PRKCE: variants seen among roughly 807,000 people sequenced by gnomAD.
PRKCE encodes the protein protein kinase C epsilon, also known as protein kinase C epsilon type.
Under a neutral mutation model 85.4 loss-of-function variants are expected in PRKCE, and 16 were observed. The ratio of observed to expected loss-of-function variants is 0.19; its 90% CI spans 0.13 to 0.28. The LOEUF (loss-of-function observed/expected upper bound fraction) is 0.28. Among genes scored for constraint, PRKCE ranks in the 10% least tolerant of loss-of-function variants. The pLI is 1.00. For missense variants in PRKCE, 573 were observed against 975.2 expected (o/e 0.59, Z 5.49); for synonymous variants, 388 against 371.5 (o/e 1.04, Z -0.51).
intron 1 of PRKCE, among the ~76,000 whole-genome samples, chr2:45,787,172 G>A (rs1394869418): frequency 6.6e-6 from 1 of 152,262 alleles, no homozygotes; most frequent in Non-Finnish European, 1.5e-5. Context: ...CCTGCTGGGG[G>A]CGCTGAGCTT....
chr2:45,702,433 G>C (rs1337050938), intron 1 of PRKCE, among the ~76,000 whole-genome samples: 1 of 152,132 alleles, frequency 6.6e-6, no homozygotes, highest in African/African-American at 2.4e-5. Context: ...GATCAGCTGA[G>C]AGAGCATCTG....
chr2:45,721,086 G>A (rs34615546), intron 1 of PRKCE, among the ~76,000 whole-genome samples: 18,210 of 152,060 alleles, frequency 0.12, 1,169 homozygotes, highest in East Asian at 0.16. Flanking sequence ...CAGCCTGGGC[G>A]ACACAGCGAG....
chr2:45,878,996 G>A (rs1341168555), intron 2 of PRKCE, among the ~76,000 whole-genome samples: 1 of 152,100 alleles, frequency 6.6e-6, no homozygotes, highest in African/African-American at 2.4e-5. Flanking sequence ...ACGGAAAAGG[G>A]CTGGGTCCCT....
chr2:46,051,678 G>A (rs2105065658), intron 10 of PRKCE, among the ~76,000 whole-genome samples: 1 of 152,192 alleles, frequency 6.6e-6, no homozygotes, highest in East Asian at 1.9e-4. Flanking sequence ...TATTCCCCCT[G>A]CTGTTTTTAC....
intron 1 of PRKCE, among the ~76,000 whole-genome samples, chr2:45,738,503 T>A (rs917850379): frequency 9.2e-5 from 14 of 152,030 alleles, no homozygotes; most frequent in African/African-American, 3.1e-4. Flanking sequence ...AAGGGTCTTT[T>A]TCTGATTTTT....
At chr2:45,876,640 C>G (rs1310292760) in intron 2 of PRKCE, among the ~76,000 whole-genome samples, 1 of 152,214 alleles carries the variant, frequency 6.6e-6, no homozygotes, top group African/African-American at 2.4e-5. Context: ...CCACACTGAT[C>G]TCCTGTCAGT....
intron 10 of PRKCE, among the ~76,000 whole-genome samples, chr2:46,072,834 GGT>G (rs1668193679): frequency 6.6e-6 from 1 of 152,124 alleles, no homozygotes; most frequent in Non-Finnish European, 1.5e-5. Context: ...AAAAGCCACT[GGT>G]CCAAGAAATG....
chr2:45,756,750 C>T (rs1187013654), intron 1 of PRKCE, among the ~76,000 whole-genome samples: 3 of 152,158 alleles, frequency 2.0e-5, no homozygotes, highest in Non-Finnish European at 4.4e-5. Context: ...ATTCATATAA[C>T]ATTTTGGAAA....
At chr2:45,785,594 G>C (rs958305624) in intron 1 of PRKCE, among the ~76,000 whole-genome samples, 3 of 152,176 alleles carry the variant, frequency 2.0e-5, no homozygotes, top group South Asian at 4.1e-4. Context: ...TGTAGAAGGG[G>C]AGCTACTACT....
intron 2 of PRKCE, among the ~76,000 whole-genome samples, chr2:45,955,668 A>G (rs1054963956): frequency 1.3e-5 from 2 of 152,144 alleles, no homozygotes; most frequent in East Asian, 1.9e-4. Flanking sequence ...ACAAACCCCC[A>G]CATGGATAAA....
intron 6 of PRKCE, among the ~76,000 whole-genome samples, chr2:45,990,574 C>G (rs557938993): frequency 5.3e-5 from 8 of 152,272 alleles, no homozygotes; most frequent in South Asian, 4.2e-4. Context: ...GGGTAGCTCT[C>G]AAGCTCTTGT....
At chr2:46,043,223 A>G (rs926078000) in intron 10 of PRKCE, among the ~76,000 whole-genome samples, 2 of 152,164 alleles carry the variant, frequency 1.3e-5, no homozygotes, top group Admixed American at 6.5e-5. Context: ...TTTCATCACA[A>G]TTAGGTCCTT....
At chr2:45,846,973 GA>G (rs1691843539) in intron 2 of PRKCE, among the ~76,000 whole-genome samples, 1 of 152,208 alleles carries the variant, frequency 6.6e-6, no homozygotes, top group Non-Finnish European at 1.5e-5. Flanking sequence ...GCTATTCAGG[GA>G]AACTGTTCAA....
chr2:45,867,578 A>G (rs1379563872), intron 2 of PRKCE, among the ~76,000 whole-genome samples: 1 of 152,228 alleles, frequency 6.6e-6, no homozygotes, highest in Non-Finnish European at 1.5e-5. Context: ...AGTGATCACG[A>G]TGAGAGATTC....
chr2:45,951,706 A>G (rs763647941), intron 2 of PRKCE, among the ~76,000 whole-genome samples: 4 of 152,378 alleles, frequency 2.6e-5, no homozygotes, highest in African/African-American at 9.6e-5. Context: ...ACCACATACA[A>G]TGAGTCTGGT....
chr2:46,100,451 T>C (rs1671096070), intron 11 of PRKCE, among the ~76,000 whole-genome samples: 1 of 152,222 alleles, frequency 6.6e-6, no homozygotes, highest in African/African-American at 2.4e-5. Flanking sequence ...CAAGGGGCTG[T>C]AACCAACCAT....
At chr2:45,888,201 C>T (rs993872610) in intron 2 of PRKCE, among the ~76,000 whole-genome samples, 7 of 152,216 alleles carry the variant, frequency 4.6e-5, no homozygotes, top group African/African-American at 1.7e-4. Flanking sequence ...GGTTTGTCCT[C>T]TAGCTCCTGC....
At chr2:45,949,417 T>C (rs1301985722) in intron 2 of PRKCE, among the ~76,000 whole-genome samples, 1 of 127,118 alleles carries the variant, frequency 7.9e-6, no homozygotes, top group Non-Finnish European at 1.6e-5. Context: ...TTTTTTTTTT[T>C]TGATTGTTGT....
intron 1 of PRKCE, among the ~76,000 whole-genome samples, chr2:45,763,852 C>T (rs113312293): frequency 3.9e-5 from 6 of 152,126 alleles, no homozygotes; most frequent in Admixed American, 2.0e-4. Context: ...AATCCCAAGC[C>T]GAATTGAACA....
Sources: allele counts gnomAD v4.1 joint callset (sites outside exome capture counted in the v4.1 genomes callset), GRCh38; gene constraint gnomAD v4.1.1; transcripts MANE v1.5; gene names NCBI Gene and HGNC (gene_info 2026-07-23, HGNC 2026-07-21).